AKAP19: variants seen among roughly 807,000 people sequenced by gnomAD.
The protein encoded by AKAP19 is A-kinase anchoring protein 19.
chr2:190,123,412 C>T, the AKAP19 span, among the ~76,000 whole-genome samples: 1 of 152,066 alleles, frequency 6.6e-6, no homozygotes, highest in Non-Finnish European at 1.5e-5. Context: ...CCTGGCAAAG[C>T]TTGATATTTA....
chr2:189,956,705 A>G, the AKAP19 span, among the ~76,000 whole-genome samples: 3 of 152,118 alleles, frequency 2.0e-5, no homozygotes, highest in East Asian at 5.8e-4. Flanking sequence ...CAGCCTCCTG[A>G]GTAGCTAAGA....
the AKAP19 span, among the ~76,000 whole-genome samples, chr2:190,176,479 C>G: frequency 2.0e-5 from 3 of 152,222 alleles, no homozygotes; most frequent in Non-Finnish European, 4.4e-5. The surrounding 1 kb of genome is among the most constrained non-coding windows in gnomAD (Gnocchi z 4.7). Flanking sequence ...TCCGGAGTAG[C>G]TGGGATTACA....
chr2:189,969,928 A>G, the AKAP19 span, among the ~76,000 whole-genome samples: 1 of 132,904 alleles, frequency 7.5e-6, no homozygotes, highest in East Asian at 2.3e-4. Flanking sequence ...GCTGGAGTGC[A>G]GTGGCACAAT....
chr2:190,033,689 T>C, the AKAP19 span, among the ~76,000 whole-genome samples: 1 of 152,216 alleles, frequency 6.6e-6, no homozygotes, highest in Admixed American at 6.5e-5. Flanking sequence ...TGTATAATTA[T>C]ACTGGACATT....
chr2:190,068,717 C>T, the AKAP19 span, among the ~76,000 whole-genome samples: 4 of 152,166 alleles, frequency 2.6e-5, no homozygotes, highest in East Asian at 1.9e-4. Flanking sequence ...TTCAACTTCT[C>T]GGCAAGGTGT....
At chr2:190,034,151 TGTA>T in the AKAP19 span, among the ~76,000 whole-genome samples, 1 of 151,720 alleles carries the variant, frequency 6.6e-6, no homozygotes, top group Non-Finnish European at 1.5e-5. Context: ...GTGTTTAACA[TGTA>T]GTAAACAAAG....
chr2:190,028,273 A>T, the AKAP19 span, among the ~76,000 whole-genome samples: 1 of 152,164 alleles, frequency 6.6e-6, no homozygotes, highest in Admixed American at 6.5e-5. Flanking sequence ...GGGGATAAGC[A>T]TTAGAAAAAT....
At chr2:190,031,292 G>A in the AKAP19 span, among the ~76,000 whole-genome samples, 2 of 152,168 alleles carry the variant, frequency 1.3e-5, no homozygotes, top group Non-Finnish European at 2.9e-5. Flanking sequence ...GGAAAAATAA[G>A]CTAAAGCCTG....
the AKAP19 span, among the ~76,000 whole-genome samples, chr2:190,197,602 C>T: frequency 1.1e-4 from 16 of 152,298 alleles, no homozygotes; most frequent in Admixed American, 3.9e-4. The surrounding 1 kb of genome is among the most constrained non-coding windows in gnomAD (Gnocchi z 4.0). Context: ...TCAACTCCCA[C>T]GGTAATGCTG....
chr2:190,175,941 A>G, the AKAP19 span, among the ~76,000 whole-genome samples: 2 of 152,160 alleles, frequency 1.3e-5, no homozygotes, highest in African/African-American at 4.8e-5. Context: ...CCTTTAAACG[A>G]GGCTTCTTGT....
At chr2:190,131,250 A>G in the AKAP19 span, among the ~76,000 whole-genome samples, 1 of 152,212 alleles carries the variant, frequency 6.6e-6, no homozygotes, top group African/African-American at 2.4e-5. Context: ...GATCACCAGA[A>G]AGACTAAGCC....
At chr2:189,950,344 TTTG>T in the AKAP19 span, among the ~76,000 whole-genome samples, 1 of 149,532 alleles carries the variant, frequency 6.7e-6, no homozygotes, top group African/African-American at 2.5e-5. Context: ...GTTTTTTTTT[TTTG>T]TTTTTTTTTT....
At chr2:190,199,996 G>GAGGAAGT in the AKAP19 span, 1 of 1,614,100 alleles carries the variant, frequency 6.2e-7, no homozygotes, top group South Asian at 1.1e-5. Flanking sequence ...TAATGTCAAA[G>GAGGAAGT]AGGAAGTGAA....
the AKAP19 span, among the ~76,000 whole-genome samples, chr2:189,937,584 C>A: frequency 6.6e-6 from 1 of 152,012 alleles, no homozygotes; most frequent in Non-Finnish European, 1.5e-5. Flanking sequence ...TCTAATAATC[C>A]AATTGAAAAA....
At chr2:190,066,402 G>C in the AKAP19 span, among the ~76,000 whole-genome samples, 1 of 152,166 alleles carries the variant, frequency 6.6e-6, no homozygotes, top group Non-Finnish European at 1.5e-5. Flanking sequence ...TCATGGCCAA[G>C]AAAAGGAGGA....
the AKAP19 span, among the ~76,000 whole-genome samples, chr2:189,883,780 T>C: frequency 3.3e-5 from 5 of 152,074 alleles, no homozygotes; most frequent in African/African-American, 9.7e-5. Flanking sequence ...TCAGTACTAC[T>C]GAACAGAGAA....
At chr2:190,132,019 A>G in the AKAP19 span, among the ~76,000 whole-genome samples, 1 of 152,226 alleles carries the variant, frequency 6.6e-6, no homozygotes, top group South Asian at 2.1e-4. Flanking sequence ...GCATTTCTTT[A>G]TACTAACAAC....
At chr2:189,900,330 T>TA in the AKAP19 span, among the ~76,000 whole-genome samples, 9 of 150,790 alleles carry the variant, frequency 6.0e-5, no homozygotes, top group East Asian at 1.9e-4. Context: ...GCCTAAAGGT[T>TA]AAAAAAAAAG....
At chr2:190,075,949 T>C in the AKAP19 span, among the ~76,000 whole-genome samples, 2 of 152,198 alleles carry the variant, frequency 1.3e-5, no homozygotes, top group African/African-American at 4.8e-5. Flanking sequence ...ATCTCCACTA[T>C]TGATTTACTC....
Sources: gnomAD v4.1 joint callset for allele counts (sites outside exome capture counted in the v4.1 genomes callset) on GRCh38, gnomAD v4.1.1 for gene constraint, Gnocchi (gnomAD v3.1) non-coding constraint, MANE v1.5 for transcripts, NCBI Gene and HGNC (gene_info 2026-07-23, HGNC 2026-07-21) for gene names.